AKAP13: variants seen among roughly 807,000 people sequenced by gnomAD.
AKAP13 encodes the protein A-kinase anchor protein 13.
In AKAP13, 80 loss-of-function variants were observed where a neutral mutation model predicts 264.5. The observed-to-expected ratio is 0.30, with a 90% CI of 0.25 to 0.36. The LOEUF is 0.36. AKAP13 is among the 10% of genes least tolerant of loss of function. AKAP13 has a pLI of 1.00. For synonymous variants in AKAP13, 1,380 were observed against 1,250.2 expected, an observed-to-expected ratio of 1.10 and a Z score of -2.19; for missense variants, 3,712 against 3,435.2, an observed-to-expected ratio of 1.08 and a Z score of -2.01.
chr15:85,525,991 G>C (rs2077027021), intron 3 of AKAP13, among the ~76,000 whole-genome samples: 1 of 152,142 alleles, frequency 6.6e-6, no homozygotes, highest in East Asian at 1.9e-4. Context: ...CAGCATGTCT[G>C]TTATTTATTT....
intron 1 of AKAP13, among the ~76,000 whole-genome samples, chr15:85,400,128 A>G (rs1307711646): frequency 6.6e-6 from 1 of 152,180 alleles, no homozygotes; most frequent in Non-Finnish European, 1.5e-5. Context: ...GGCCAGGCTC[A>G]GTGGCTCACA....
chr15:85,531,618 C>T (rs1167306611), intron 3 of AKAP13, among the ~76,000 whole-genome samples: 1 of 152,200 alleles, frequency 6.6e-6, no homozygotes, highest in East Asian at 1.9e-4. Flanking sequence ...AATTCTCTTT[C>T]ATATATTAAA....
chr15:85,409,260 C>T (rs1035466356), intron 1 of AKAP13, among the ~76,000 whole-genome samples: 4 of 151,928 alleles, frequency 2.6e-5, no homozygotes, highest in Admixed American at 2.6e-4. Flanking sequence ...TCACTGGAAC[C>T]TCTGCCTCCC....
intron 5 of AKAP13, among the ~76,000 whole-genome samples, chr15:85,548,439 G>A (rs2077831562): frequency 6.6e-6 from 1 of 152,108 alleles, no homozygotes; most frequent in South Asian, 2.1e-4. Flanking sequence ...GTATAGTATG[G>A]TAGAACTGCT....
Position 85,727,589 on chromosome 15 carries a change from C to T in AKAP13, c.7087+126C>T. 1.0e-6 allele frequency: 1 copy of T among 961,836 alleles called. No individual in the cohort carries two copies. The highest frequency in any genetic ancestry group is 1.6e-6 in the Non-Finnish European group (1 of 637,602). 59.6% of individuals were successfully genotyped at this position (961,836 alleles called of 1,614,324 possible). A position where few individuals can be genotyped will look rare whatever the true frequency, so the allele number is the denominator to read the frequency against. ...AGCTGCCCCAGCAGGCACTTGAAAG[C>T]AGCAAAATGAATAGCTGTTAACAAA... On this transcript the variant is annotated intron_variant, in intron 29 of 36. Coordinates refer to ENST00000394518, the MANE Select transcript of AKAP13 (RefSeq NM_007200.5). This position sits in a 1 kb window ranked among gnomAD's most constrained non-coding sequence, Gnocchi z 5.3.
rs543506585 is a variant in AKAP13, at chr15:85,512,998, A to C, written c.34-8430A>C. 3.5e-3 allele frequency among the ~76,000 whole-genome samples: 530 copies of C among 152,178 alleles called. 2 individuals are homozygous for C. The highest frequency in any genetic ancestry group is 6.4e-3 in the Non-Finnish European group (437 of 68,002). ...CAGCCTCCCGAGTAGCTGGGACTAC[A>C]GGCACCCACCACCATGCCCGGCTAA... On this transcript the variant is annotated intron_variant, in intron 2 of 36. Transcript: ENST00000394518.
intron 5 of AKAP13, among the ~76,000 whole-genome samples, chr15:85,554,589 C>A (rs2078073327): frequency 6.8e-6 from 1 of 148,004 alleles, no homozygotes; most frequent in African/African-American, 2.5e-5. Context: ...ACTTTTTTTT[C>A]TTTTTTTTTT....
At chr15:85,459,448 C>T (rs1286334358) in intron 1 of AKAP13, among the ~76,000 whole-genome samples, 1 of 150,934 alleles carries the variant, frequency 6.6e-6, no homozygotes, top group Non-Finnish European at 1.5e-5. Context: ...ATCTGCCCGC[C>T]TTGGCCTCCC....
chr15:85,578,330 C>G (rs1000992354), intron 6 of AKAP13, among the ~76,000 whole-genome samples: 12 of 152,114 alleles, frequency 7.9e-5, no homozygotes, highest in African/African-American at 2.9e-4. Flanking sequence ...TTTTAAAAAT[C>G]AGGTTTTTGA....
intron 1 of AKAP13, among the ~76,000 whole-genome samples, chr15:85,427,731 T>C (rs1253050922): frequency 6.6e-6 from 1 of 152,194 alleles, no homozygotes; most frequent in Non-Finnish European, 1.5e-5. Flanking sequence ...AAACCAGTTA[T>C]GGAAATATAG....
At chr15:85,414,488 A>G (rs1446730779) in intron 1 of AKAP13, among the ~76,000 whole-genome samples, 1 of 152,208 alleles carries the variant, frequency 6.6e-6, no homozygotes, top group Admixed American at 6.5e-5. Flanking sequence ...ATACACAAAA[A>G]TGAGGGGTAG....
intron 8 of AKAP13, among the ~76,000 whole-genome samples, chr15:85,588,673 AG>A (rs941242441): frequency 3.9e-5 from 6 of 152,136 alleles, no homozygotes; most frequent in African/African-American, 1.2e-4. Flanking sequence ...TTTTTTCTCT[AG>A]TTTTAAGAGT....
intron 1 of AKAP13, among the ~76,000 whole-genome samples, chr15:85,396,303 G>A (rs1466221497): frequency 1.3e-5 from 2 of 152,104 alleles, no homozygotes; most frequent in Non-Finnish European, 2.9e-5. Flanking sequence ...GTCACTTTCC[G>A]TTTTAACCTC....
At chr15:85,552,628 CTTTTTTTTT>C (rs55743971) in intron 5 of AKAP13, among the ~76,000 whole-genome samples, 1 of 125,068 alleles carries the variant, frequency 8.0e-6, no homozygotes. Flanking sequence ...TTTTTTTGGC[CTTTTTTTTT>C]TTTTTTTTGA....
At chr15:85,673,943 G>A (rs751915481) in intron 14 of AKAP13, among the ~76,000 whole-genome samples, 6 of 151,040 alleles carry the variant, frequency 4.0e-5, no homozygotes, top group Admixed American at 2.6e-4. Context: ...TGCCCACCTC[G>A]GCCTCCCAAA....
At position 85,579,113 on chromosome 15, in the gene AKAP13, C is replaced by G; in HGVS notation, c.1045C>G (p.Gln349Glu). 2 of 1,614,082 alleles carry G rather than the reference C, an allele frequency of 1.2e-6. No homozygotes were observed. The highest frequency in any genetic ancestry group is 1.7e-6 in the Non-Finnish European group (2 of 1,180,030). The change falls in exon 7 of 37, where the codon CAG becomes GAG. Residue 349 changes from glutamine (Q) to glutamate (E), a missense_variant. Gln to Glu is a conservative substitution (Grantham distance 29, BLOSUM62 2). Around this residue, in one of 3 missense-constraint regions of AKAP13, gnomAD observed 2,759 missense variants for 2,411.7 expected, o/e 1.14. Transcript: ENST00000394518. ...GTGCTGCCCAGGGAGCCCTGTTGCA[C>G]AGACTGAAAGTCCCTGTGATTTGTC... is the stretch of plus-strand genomic sequence containing the variant. ...TQCCPGSPVA[Q>E]TESPCDLSSI...
At chr15:85,485,392 C>T (rs2075503517) in intron 1 of AKAP13, among the ~76,000 whole-genome samples, 1 of 152,216 alleles carries the variant, frequency 6.6e-6, no homozygotes, top group Non-Finnish European at 1.5e-5. Context: ...TGTAAGTGAA[C>T]ATACAATGGT....
intron 8 of AKAP13, 114 bp from the exon 9 acceptor site, chr15:85,639,260 C>G (rs923557029): frequency 4.1e-6 from 3 of 730,058 alleles, no homozygotes; most frequent in Admixed American, 2.4e-5. Context: ...AGTTTGCTCA[C>G]CCTGTATTAA....
chr15:85,534,115 C>T (rs932828954), intron 4 of AKAP13: 14 of 449,514 alleles, frequency 3.1e-5, no homozygotes, highest in Admixed American at 7.7e-5. Flanking sequence ...GAGAGTGGCA[C>T]GTCACCTTCC....
Sources: allele counts gnomAD v4.1 joint callset (sites outside exome capture counted in the v4.1 genomes callset), GRCh38; gene constraint gnomAD v4.1.1; regional missense constraint gnomAD v4.1.1; non-coding constraint Gnocchi (gnomAD v3.1); transcripts MANE v1.5; gene names NCBI Gene and HGNC (gene_info 2026-07-23, HGNC 2026-07-21).